Variants in CDC42SE2 observed in about 807,000 individuals in gnomAD.
CDC42SE2 encodes the protein CDC42 small effector 2, also known as CDC42 small effector protein 2.
In CDC42SE2, 3 loss-of-function variants were observed where a neutral mutation model predicts 11.5. The observed-to-expected ratio is 0.26, with a 90% CI of 0.12 to 0.67. The LOEUF is 0.67. Among genes scored for constraint, CDC42SE2 ranks in the 30% least tolerant of loss-of-function variants. The pLI is 0.80. For synonymous variants in CDC42SE2, 33 were observed against 34.8 expected, an observed-to-expected ratio of 0.95 and a Z score of 0.18; for missense variants, 82 against 106.8, an observed-to-expected ratio of 0.77 and a Z score of 1.02.
At chr5:131,254,491 G>A (rs897438905) in intron 1 of CDC42SE2, among the ~76,000 whole-genome samples, 3 of 151,324 alleles carry the variant, frequency 2.0e-5, no homozygotes, top group Non-Finnish European at 4.4e-5. Flanking sequence ...GCAGTGAGCT[G>A]AGATGGCGCC....
chr5:131,300,669 G>A (rs957189921), intron 1 of CDC42SE2, among the ~76,000 whole-genome samples: 4 of 152,018 alleles, frequency 2.6e-5, no homozygotes, highest in African/African-American at 9.6e-5. Context: ...TGTAGTCCCA[G>A]CTCCTCGGGA....
At chr5:131,314,288 G>A (rs1186397896) in intron 1 of CDC42SE2, among the ~76,000 whole-genome samples, 1 of 148,976 alleles carries the variant, frequency 6.7e-6, no homozygotes, top group African/African-American at 2.5e-5. Context: ...TTGGAGTTCA[G>A]TGGCACAATC....
chr5:131,334,034 C>T (rs1414933894), intron 2 of CDC42SE2, among the ~76,000 whole-genome samples: 2 of 152,258 alleles, frequency 1.3e-5, no homozygotes, highest in Admixed American at 1.3e-4. Context: ...GCATCCCTGT[C>T]TTGTGCCAGT....
chr5:131,218,030 C>T, the CDC42SE2 span, among the ~76,000 whole-genome samples: 1 of 151,838 alleles, frequency 6.6e-6, no homozygotes, highest in Non-Finnish European at 1.5e-5. Flanking sequence ...CAAAAATTAG[C>T]CAAGGCAGGG....
chr5:131,270,396 A>G (rs2149693112), intron 1 of CDC42SE2, among the ~76,000 whole-genome samples: 1 of 152,336 alleles, frequency 6.6e-6, no homozygotes, highest in South Asian at 2.1e-4. Flanking sequence ...TAAAAAAATA[A>G]AAACAACAAC....
At chr5:131,273,394 G>C (rs1391208844) in intron 1 of CDC42SE2, among the ~76,000 whole-genome samples, 1 of 149,964 alleles carries the variant, frequency 6.7e-6, no homozygotes, top group Non-Finnish European at 1.5e-5. Flanking sequence ...GACTTCAAGT[G>C]ATCTGCCCAG....
At chr5:131,339,120 C>T (rs923523885) in intron 2 of CDC42SE2, among the ~76,000 whole-genome samples, 14 of 151,650 alleles carry the variant, frequency 9.2e-5, no homozygotes, top group South Asian at 4.2e-4. Flanking sequence ...TAGTGGTGCA[C>T]GTCTGTGGTC....
chr5:131,214,217 G>A, the CDC42SE2 span, among the ~76,000 whole-genome samples: 2 of 152,156 alleles, frequency 1.3e-5, no homozygotes, highest in African/African-American at 2.4e-5. Flanking sequence ...TTTAAAAAAT[G>A]TCAGTTGGAG....
chr5:131,371,235 T>A (rs1750005721), intron 3 of CDC42SE2, among the ~76,000 whole-genome samples: 1 of 152,154 alleles, frequency 6.6e-6, no homozygotes, highest in Admixed American at 6.5e-5. Context: ...ACCATTCAGT[T>A]TTCATCCTCT....
At chr5:131,235,223 T>C in the CDC42SE2 span, among the ~76,000 whole-genome samples, 2 of 151,916 alleles carry the variant, frequency 1.3e-5, no homozygotes, top group East Asian at 3.9e-4. Context: ...AGTTTACTGA[T>C]TCAAATGCTC....
chr5:131,330,851 CAAA>C (rs912955913), intron 2 of CDC42SE2, among the ~76,000 whole-genome samples: 2 of 58,142 alleles, frequency 3.4e-5, no homozygotes, highest in Non-Finnish European at 3.9e-5. Context: ...CCTGCCTTTA[CAAA>C]AAAAAAAAAA....
chr5:131,373,544 A>AAGTGAGCT (rs1321641529), intron 3 of CDC42SE2, among the ~76,000 whole-genome samples: 2 of 152,134 alleles, frequency 1.3e-5, no homozygotes, highest in Admixed American at 6.5e-5. Context: ...CCCAAGCAAA[A>AAGTGAGCT]AGTGAGCTCA....
At chr5:131,234,446 G>C in the CDC42SE2 span, among the ~76,000 whole-genome samples, 1 of 152,032 alleles carries the variant, frequency 6.6e-6, no homozygotes, top group African/African-American at 2.4e-5. Context: ...GATCAGCCTG[G>C]CCAAGATGGT....
chr5:131,323,547 GTTTTTTTTTTTTTTTT>G (rs1171213231), intron 2 of CDC42SE2, among the ~76,000 whole-genome samples: 2 of 82,544 alleles, frequency 2.4e-5, no homozygotes, highest in African/African-American at 5.1e-5. Flanking sequence ...TCTCTCTCTG[GTTTTTTTTTTTTTTTT>G]TTTTTTTTTT....
At chr5:131,385,184 G>T (rs1046987070) in intron 3 of CDC42SE2, among the ~76,000 whole-genome samples, 1 of 152,172 alleles carries the variant, frequency 6.6e-6, no homozygotes, top group Admixed American at 6.5e-5. Context: ...TTTAAAATCA[G>T]ACAGTGTATT....
At chr5:131,346,607 T>C (rs890113021) in intron 2 of CDC42SE2, among the ~76,000 whole-genome samples, 14 of 152,144 alleles carry the variant, frequency 9.2e-5, no homozygotes, top group African/African-American at 2.7e-4. Context: ...GACAGAAAGT[T>C]GACAAGGATA....
intron 2 of CDC42SE2, among the ~76,000 whole-genome samples, chr5:131,339,490 C>G (rs1241813209): frequency 6.6e-6 from 1 of 151,670 alleles, no homozygotes; most frequent in Non-Finnish European, 1.5e-5. Context: ...TGTAAAAGAG[C>G]CAAATAGAAC....
At chr5:131,282,639 T>C (rs1208094205) in intron 1 of CDC42SE2, among the ~76,000 whole-genome samples, 5 of 152,070 alleles carry the variant, frequency 3.3e-5, no homozygotes, top group South Asian at 2.1e-4. Flanking sequence ...TTTAAAATTA[T>C]TATTATTGAG....
chr5:131,335,523 G>T (rs892765305), intron 2 of CDC42SE2, among the ~76,000 whole-genome samples: 5 of 152,150 alleles, frequency 3.3e-5, no homozygotes, highest in Admixed American at 2.6e-4. Flanking sequence ...GGATATCCTT[G>T]TTAACTTTCT....
Sources: allele counts gnomAD v4.1 joint callset (sites outside exome capture counted in the v4.1 genomes callset), GRCh38; gene constraint gnomAD v4.1.1; transcripts MANE v1.5; gene names NCBI Gene and HGNC (gene_info 2026-07-23, HGNC 2026-07-21).